Variants in TAB2 observed in about 807,000 individuals in gnomAD.
TAB2 encodes TGF-beta activated kinase 1 (MAP3K7) binding protein 2.
A neutral mutation model predicts 65.0 loss-of-function variants in TAB2; 3 were observed. The observed-to-expected ratio is 0.05, with a 90% confidence interval of 0.02 to 0.12. TAB2 has a LOEUF of 0.12. Among genes scored for constraint, TAB2 ranks in the 10% least tolerant of loss-of-function variants. TAB2 has a pLI of 1.00. For missense variants in TAB2, 623 were observed against 840.3 expected, an observed-to-expected ratio of 0.74 and a Z score of 3.20; for synonymous variants, 298 against 285.1, an observed-to-expected ratio of 1.05 and a Z score of -0.46.
chr6:149,225,697 A>G (rs1255619714), intron 1 of TAB2, among the ~76,000 whole-genome samples: 2 of 152,112 alleles, frequency 1.3e-5, no homozygotes, highest in Non-Finnish European at 2.9e-5. Flanking sequence ...GACAGATTCC[A>G]AGTAAACTCC....
intron 2 of TAB2, among the ~76,000 whole-genome samples, chr6:149,370,709 A>G (rs992860328): frequency 6.6e-6 from 1 of 152,186 alleles, no homozygotes; most frequent in Admixed American, 6.5e-5. Flanking sequence ...GAAATTTACA[A>G]TTCCAAATAT....
chr6:149,305,405 A>G (rs1201975884), intron 1 of TAB2, among the ~76,000 whole-genome samples: 1 of 152,190 alleles, frequency 6.6e-6, no homozygotes, highest in Non-Finnish European at 1.5e-5. Flanking sequence ...GTCACTTTGA[A>G]TACGTTTCCT....
intron 1 of TAB2, among the ~76,000 whole-genome samples, chr6:149,250,266 G>A (rs1390281411): frequency 1.3e-5 from 2 of 151,976 alleles, no homozygotes; most frequent in Non-Finnish European, 2.9e-5. Flanking sequence ...AAAGTCTAAA[G>A]TCTAAACCTT....
intron 6 of TAB2, 107 bp downstream of exon 6, chr6:149,399,291 C>G: frequency 1.2e-6 from 1 of 810,644 alleles, no homozygotes; most frequent in African/African-American, 1.7e-5. Flanking sequence ...CAAACTTTGG[C>G]ATTCTTAAAT....
chr6:149,328,777 ATACTT>A (rs1434195063), intron 1 of TAB2, among the ~76,000 whole-genome samples: 4 of 152,210 alleles, frequency 2.6e-5, no homozygotes, highest in Non-Finnish European at 4.4e-5. Flanking sequence ...TAAACATAAA[ATACTT>A]TAGGAATCCA....
chr6:149,225,712 G>A (rs1050522940), intron 1 of TAB2, among the ~76,000 whole-genome samples: 13 of 151,976 alleles, frequency 8.6e-5, no homozygotes, highest in African/African-American at 1.5e-4. Context: ...AACTCCACCC[G>A]CTATAAAAAT....
chr6:149,298,178 T>C (rs907965529), intron 1 of TAB2, among the ~76,000 whole-genome samples: 7 of 152,188 alleles, frequency 4.6e-5, no homozygotes, highest in Non-Finnish European at 8.8e-5. Context: ...TACAATAGCA[T>C]TTTGTAGTAA....
chr6:149,253,822 T>C (rs2114657942), intron 1 of TAB2, among the ~76,000 whole-genome samples: 1 of 147,046 alleles, frequency 6.8e-6, no homozygotes, highest in Non-Finnish European at 1.5e-5. Context: ...CTCAGGAGGC[T>C]GAGGCAGGAG....
intron 1 of TAB2, among the ~76,000 whole-genome samples, chr6:149,288,511 A>G (rs977801923): frequency 5.3e-5 from 8 of 152,232 alleles, no homozygotes; most frequent in East Asian, 1.9e-4. Flanking sequence ...CTGCCACAAC[A>G]TCAGGAAAAG....
intron 1 of TAB2, among the ~76,000 whole-genome samples, chr6:149,262,260 T>C (rs1447066166): frequency 6.6e-6 from 1 of 152,216 alleles, no homozygotes; most frequent in Non-Finnish European, 1.5e-5. Context: ...CTGCCGGGCA[T>C]GATGGCTCAT....
At chr6:149,294,631 C>T (rs912610916) in intron 1 of TAB2, among the ~76,000 whole-genome samples, 10 of 152,154 alleles carry the variant, frequency 6.6e-5, no homozygotes, top group Admixed American at 1.3e-4. Flanking sequence ...TCTAATTCCA[C>T]GGTCATGTAT....
At chr6:149,368,272 A>C (rs1781103622) in intron 1 of TAB2, among the ~76,000 whole-genome samples, 1 of 152,156 alleles carries the variant, frequency 6.6e-6, no homozygotes. Context: ...AGCTACAGAG[A>C]GATCTAGTAA....
chr6:149,294,302 C>T (rs1175003192), intron 1 of TAB2, among the ~76,000 whole-genome samples: 1 of 152,196 alleles, frequency 6.6e-6, no homozygotes, highest in Non-Finnish European at 1.5e-5. Context: ...ATGGCGTCTT[C>T]TCCCCGTATC....
intron 1 of TAB2, among the ~76,000 whole-genome samples, chr6:149,237,284 C>T (rs1432792594): frequency 2.6e-5 from 4 of 152,322 alleles, no homozygotes; most frequent in African/African-American, 9.6e-5. Flanking sequence ...CTCATCCCTA[C>T]TTGCTAATGT....
chr6:149,263,020 G>A (rs575299614), intron 1 of TAB2, among the ~76,000 whole-genome samples: 1 of 152,130 alleles, frequency 6.6e-6, no homozygotes, highest in East Asian at 1.9e-4. Context: ...ACCCAGGCCA[G>A]TCTCGAACTC....
chr6:149,403,261 T>TATACAC (rs1782516465), intron 6 of TAB2, among the ~76,000 whole-genome samples: 1 of 37,470 alleles, frequency 2.7e-5, no homozygotes, highest in African/African-American at 1.6e-4. Flanking sequence ...TATATATATA[T>TATACAC]ATATATATAT....
chr6:149,305,469 T>C (rs1401259425), intron 1 of TAB2, among the ~76,000 whole-genome samples: 1 of 152,186 alleles, frequency 6.6e-6, no homozygotes, highest in African/African-American at 2.4e-5. Context: ...CAGGAACCAT[T>C]AAACACATAA....
chr6:149,301,991 A>G (rs1410224829), intron 1 of TAB2, among the ~76,000 whole-genome samples: 2 of 152,120 alleles, frequency 1.3e-5, no homozygotes, highest in African/African-American at 2.4e-5. Flanking sequence ...AATTAAGCCT[A>G]TCTCCAAAAA....
chr6:149,312,123 T>C (rs1779175714), intron 1 of TAB2, among the ~76,000 whole-genome samples: 1 of 152,238 alleles, frequency 6.6e-6, no homozygotes, highest in Non-Finnish European at 1.5e-5. Flanking sequence ...TGATTTCTCA[T>C]GGACCCCACT....
Sources: gnomAD v4.1 joint callset for allele counts (sites outside exome capture counted in the v4.1 genomes callset) on GRCh38, gnomAD v4.1.1 for gene constraint, MANE v1.5 for transcripts, NCBI Gene and HGNC (gene_info 2026-07-23, HGNC 2026-07-21) for gene names.